Variants in ZNF850 observed in about 807,000 individuals in gnomAD.
ZNF850 encodes putative zinc finger protein ENSP00000330994.
Under a neutral mutation model 11.9 loss-of-function variants are expected in ZNF850, and 2 were observed. That is an observed-to-expected ratio of 0.17 (90% confidence interval 0.07 to 0.53). The LOEUF (loss-of-function observed/expected upper bound fraction) is 0.53. ZNF850 is among the 20% of genes least tolerant of loss of function. The pLI, the probability that ZNF850 is intolerant of heterozygous loss-of-function variation, is 0.94. For missense variants in ZNF850, 1,014 were observed against 1,316.4 expected, an observed-to-expected ratio of 0.77 and a Z score of 3.55; for synonymous variants, 381 against 443.0, an observed-to-expected ratio of 0.86 and a Z score of 1.76.
chr19:36,758,171 T>TTTA (rs2040498135), intron 4 of ZNF850, among the ~76,000 whole-genome samples: 1 of 152,174 alleles, frequency 6.6e-6, no homozygotes, highest in African/African-American at 2.4e-5. Context: ...GACTCATGCC[T>TTTA]TACAGGTGTA....
chr19:36,743,891 G>A lies in ZNF850; in HGVS notation c.*3876C>T, dbSNP rs1055751391. On this transcript the variant is annotated 3_prime_UTR_variant, in exon 5 of 5. Transcript: ENST00000591344. ...AAATATTGAAACTCCTCTATTAAAA[G>A]GATTTACCGGCCGGGCACGTGGATC... is the stretch of plus-strand genomic sequence containing the variant. 6.6e-6 allele frequency: 1 copy of A among 152,116 alleles called. No individual in the cohort carries two copies. The highest frequency in any genetic ancestry group is 1.5e-5 in the Non-Finnish European group (1 of 68,016). 9.4% of individuals were successfully genotyped at this position (152,116 alleles called of 1,614,324 possible).
chr19:36,761,581 C>G, intron 4 of ZNF850, 62 bp downstream of exon 4: 5 of 935,210 alleles, frequency 5.3e-6, no homozygotes, highest in Non-Finnish European at 8.2e-6. Flanking sequence ...TACGGTGCTG[C>G]CTCCCTGACA....
In ZNF850 at chr19:36,749,183, A is replaced by G; in HGVS notation, c.1857T>C (p.Cys619=). 6.2e-7 allele frequency: 1 copy of G among 1,605,504 alleles called. No homozygotes were observed. Among genetic ancestry groups the G allele is most frequent in the Non-Finnish European group, 8.5e-7 (1 of 1,177,478 alleles). The change falls in exon 5 of 5, where the codon TGT becomes TGC. Residue 619 remains cysteine, a synonymous_variant. Transcript: ENST00000591344. The part of the protein sequence containing the change: ...QIHTGEKPYD[C]KECGKAFRLR... ...GTCTAAAGGCCTTCCCACATTCCTT[A>G]CAATCATAAGGTTTCTCACCAGTGT...
intron 4 of ZNF850, among the ~76,000 whole-genome samples, chr19:36,759,050 T>A (rs537241233): frequency 2.8e-4 from 43 of 151,278 alleles, no homozygotes; most frequent in Non-Finnish European, 5.4e-4. Context: ...GCCACAGCAC[T>A]CCAGCCTGGC....
At chr19:36,771,962 T>C (rs2040587331) in intron 1 of ZNF850, among the ~76,000 whole-genome samples, 1 of 152,196 alleles carries the variant, frequency 6.6e-6, no homozygotes, top group Non-Finnish European at 1.5e-5. Flanking sequence ...GGCAGTGGGC[T>C]CTGGCATTTA....
At position 36,747,691 on chromosome 19, in the gene ZNF850, T is replaced by A; in HGVS notation, c.*76A>T. On this transcript the variant is annotated 3_prime_UTR_variant, in exon 5 of 5. Coordinates refer to ENST00000591344, the MANE Select transcript of ZNF850 (RefSeq NM_001193552.2). ...AAAAGTGAATATGAAGTAATACACA[T>A]CCATTGTATTTGACCCACATATGGA... 21 of 1,156,206 alleles carry A rather than the reference T, an allele frequency of 1.8e-5. No individual in the cohort carries two copies. Among genetic ancestry groups the A allele is most frequent in the Non-Finnish European group, 2.4e-5 (20 of 850,290 alleles). 71.6% of individuals were successfully genotyped at this position (1,156,206 alleles called of 1,614,324 possible).
intron 1 of ZNF850, among the ~76,000 whole-genome samples, chr19:36,766,972 C>G (rs1490235252): frequency 6.6e-6 from 1 of 152,152 alleles, no homozygotes; most frequent in African/African-American, 2.4e-5. Flanking sequence ...CGCAGTGGCT[C>G]AAGCCTGTAA....
chr19:36,759,542 C>G (rs908255629), intron 4 of ZNF850, among the ~76,000 whole-genome samples: 3 of 151,996 alleles, frequency 2.0e-5, no homozygotes, highest in Admixed American at 6.6e-5. Flanking sequence ...CTCATGATAT[C>G]CAGGACTTGC....
intron 1 of ZNF850, among the ~76,000 whole-genome samples, chr19:36,763,979 G>C (rs1341334072): frequency 2.0e-5 from 3 of 151,920 alleles, no homozygotes; most frequent in Non-Finnish European, 4.4e-5. Flanking sequence ...AGGTGTGATG[G>C]CTCATGCCTG....
At position 36,750,660 on chromosome 19, in the gene ZNF850, A is replaced by T. The variant is rs1464092888; in HGVS notation, c.380T>A (p.Phe127Tyr). ...VRDDWECKGQ[F>Y]QHQDINQERY... ...CTCCTGATTTATATCTTGGTGCTGA[A>T]ACTGGCCTTTGCATTCCCAGTCATC... The change falls in exon 5 of 5, where the codon TTT (phenylalanine) becomes TAT (tyrosine). Residue 127 changes from phenylalanine to tyrosine, a missense_variant. This residue lies in a region of ZNF850 where 835 missense variants were observed against 1,022.0 expected (regional missense o/e 0.82). Transcript: ENST00000591344. The T allele has an allele frequency of 6.5e-7, 1 of 1,536,108 alleles. No homozygotes were observed. Among genetic ancestry groups the T allele is most frequent in the Non-Finnish European group, 8.7e-7 (1 of 1,146,918 alleles).
rs567632985 is a variant in ZNF850 at position 36,744,106 on chromosome 19, G to A, written c.*3661C>T. The stretch of plus-strand genomic sequence containing the variant: ...GCAGGAGAATTGTTTAAACCTGGGA[G>A]GCAGAGGTTGCGGTAAGCCGAGATC... On this transcript the variant is annotated 3_prime_UTR_variant, in exon 5 of 5. Transcript: ENST00000591344. 5.9e-5 allele frequency: 9 copies of A among 152,110 alleles called. No homozygotes were observed. The East Asian group carries it at 1.6e-3, about 26-fold the overall frequency. The allele number at this position is 152,110 out of a possible 1,614,324, so 9.4% of individuals were successfully genotyped here.
In ZNF850 at chr19:36,746,528, T is replaced by C. The variant is rs1242974608; in HGVS notation, c.*1239A>G. 6.6e-6 allele frequency: 1 copy of C among 152,102 alleles called. No individual in the cohort carries two copies. Among genetic ancestry groups the C allele is most frequent in the Non-Finnish European group, 1.5e-5 (1 of 68,062 alleles). The allele number at this position is 152,102 out of a possible 1,614,324, so 9.4% of individuals were successfully genotyped here. A position where few individuals can be genotyped will look rare whatever the true frequency, so the allele number is the denominator to read the frequency against. ...ACCATGTCTGGCTGATTTTGTATTT[T>C]TAGTAGAGATGGGGTTTCAACATGT... is the stretch of plus-strand genomic sequence containing the variant. On this transcript the variant is annotated 3_prime_UTR_variant, in exon 5 of 5. Transcript: ENST00000591344.
At chr19:36,761,199 A>G (rs192923721) in intron 4 of ZNF850, among the ~76,000 whole-genome samples, 70 of 151,558 alleles carry the variant, frequency 4.6e-4, no homozygotes, top group African/African-American at 1.5e-3. Context: ...CAGCACTTTC[A>G]GAGGCCGAGG....
At position 36,749,204 on chromosome 19, in the gene ZNF850, A is replaced by G; in HGVS notation, c.1836T>C (p.Thr612=). The G allele has an allele frequency of 6.2e-7, 1 of 1,603,422 alleles. No individual in the cohort carries two copies. Among genetic ancestry groups the G allele is most frequent in the Non-Finnish European group, 8.5e-7 (1 of 1,176,630 alleles). Residue 612 remains threonine, a synonymous_variant, in exon 5 of 5, where the codon ACT becomes ACC. Coordinates refer to ENST00000591344, the MANE Select transcript of ZNF850 (RefSeq NM_001193552.2). The stretch of plus-strand genomic sequence containing the variant: ...CCTTACAATCATAAGGTTTCTCACC[A>G]GTGTGAATTTGCTGATGTTGAAGTA... ...STLLQHQQIH[T]GEKPYDCKEC...
chr19:36,770,103 C>T (rs776135724), intron 1 of ZNF850, among the ~76,000 whole-genome samples: 3 of 152,124 alleles, frequency 2.0e-5, no homozygotes, highest in African/African-American at 7.2e-5. Context: ...ATGCCTAGGG[C>T]GAGGTATGGG....
chr19:36,761,325 A>T (rs2040516674), intron 4 of ZNF850, among the ~76,000 whole-genome samples: 1 of 152,074 alleles, frequency 6.6e-6, no homozygotes. Flanking sequence ...CTATAATGCC[A>T]GTTCCTTCAA....
chr19:36,753,261 T>C (rs2040464070), intron 4 of ZNF850, among the ~76,000 whole-genome samples: 1 of 126,120 alleles, frequency 7.9e-6, no homozygotes, highest in African/African-American at 3.1e-5. Context: ...AGAGCGAGAC[T>C]TCATCTCAGG....
intron 3 of ZNF850, 65 bp from the exon 4 acceptor site, chr19:36,761,803 TG>T (rs2040520116): frequency 1.1e-5 from 10 of 951,772 alleles, no homozygotes; most frequent in Non-Finnish European, 1.3e-5. Flanking sequence ...CCCAGCACTT[TG>T]GGAGACCAAA....
chr19:36,747,193 G>A lies in ZNF850; in HGVS notation c.*574C>T. The stretch of plus-strand genomic sequence containing the variant: ...CAAAAAATACACAAAAACAACTATT[G>A]CCATCAACATTTTATCAATTAGTAA... On this transcript the variant is annotated 3_prime_UTR_variant, in exon 5 of 5. Coordinates refer to ENST00000591344, the MANE Select transcript of ZNF850 (RefSeq NM_001193552.2). 6.5e-6 allele frequency: 1 copy of A among 154,714 alleles called. No homozygotes were observed. Among genetic ancestry groups the A allele is most frequent in the Admixed American group, 6.5e-5 (1 of 15,354 alleles). 9.6% of individuals were successfully genotyped at this position (154,714 alleles called of 1,614,324 possible). A position where few individuals can be genotyped will look rare whatever the true frequency, so the allele number is the denominator to read the frequency against.
Sources: allele counts gnomAD v4.1 joint callset (sites outside exome capture counted in the v4.1 genomes callset), GRCh38; gene constraint gnomAD v4.1.1; regional missense constraint gnomAD v4.1.1; transcripts MANE v1.5; gene names NCBI Gene and HGNC (gene_info 2026-07-23, HGNC 2026-07-21).